The following NOTCH2NLC variants were observed in gnomAD, a reference collection of about 807,000 sequenced individuals.
NOTCH2NLC encodes the protein notch homolog 2 N-terminal-like protein C.
A neutral mutation model predicts 17.7 loss-of-function variants in NOTCH2NLC; 4 were observed. That is an observed-to-expected ratio of 0.23 (90% confidence interval 0.11 to 0.52). The LOEUF is 0.52. NOTCH2NLC is among the 20% of genes least tolerant of loss of function. NOTCH2NLC has a pLI of 0.96. For synonymous variants in NOTCH2NLC, 18 were observed against 86.0 expected (o/e 0.21, Z 4.38); for missense variants, 57 against 207.2 (o/e 0.28, Z 4.45).
At chr1:149,419,381 A>T (rs1317237832) in intron 1 of NOTCH2NLC, among the ~76,000 whole-genome samples, 1 of 150,124 alleles carries the variant, frequency 6.7e-6, no homozygotes, top group Admixed American at 6.7e-5. Flanking sequence ...AGACACAAAC[A>T]TGGAAAGTTT....
At position 149,464,902 on chromosome 1, in the gene NOTCH2NLC, G is replaced by C; in HGVS notation, c.*749G>C. ...GATATGGTTCACATATAATGGGATT[G>C]TGTGTTTTATTTTGGAGGAATTAAA... is the stretch of plus-strand genomic sequence containing the variant. On this transcript the variant is annotated 3_prime_UTR_variant, in exon 5 of 5. Transcript: ENST00000650865. 6.7e-6 allele frequency: 1 copy of C among 148,888 alleles called. No homozygotes were observed. Among genetic ancestry groups the C allele is most frequent in the Non-Finnish European group, 1.5e-5 (1 of 66,748 alleles). The allele number at this position is 148,888 out of a possible 1,614,324, so 9.2% of individuals were successfully genotyped here.
At chr1:149,428,923 A>AC (rs1467146077) in intron 1 of NOTCH2NLC, among the ~76,000 whole-genome samples, 1 of 148,048 alleles carries the variant, frequency 6.8e-6, no homozygotes, top group Non-Finnish European at 1.5e-5. Context: ...AATAGAAAAA[A>AC]CCCCGGAAGT....
intron 1 of NOTCH2NLC, among the ~76,000 whole-genome samples, chr1:149,402,368 C>T (rs1474836027): frequency 6.7e-6 from 1 of 149,998 alleles, no homozygotes; most frequent in Non-Finnish European, 1.5e-5. Context: ...GGTGAGCCAC[C>T]GTGCCTGGTC....
At chr1:149,445,863 T>C (rs1570916476) in intron 2 of NOTCH2NLC, among the ~76,000 whole-genome samples, 1 of 146,418 alleles carries the variant, frequency 6.8e-6, no homozygotes, top group East Asian at 2.0e-4. Flanking sequence ...TTTTGCTTTG[T>C]TGTTGTTGTT....
chr1:149,445,357 AATT>A (rs2101499422), intron 2 of NOTCH2NLC, among the ~76,000 whole-genome samples: 1 of 127,044 alleles, frequency 7.9e-6, no homozygotes, highest in Non-Finnish European at 1.7e-5. Context: ...GGCTGTTAGC[AATT>A]ATTTTTATCT....
chr1:149,457,706 A>G, intron 3 of NOTCH2NLC, among the ~76,000 whole-genome samples: 1 of 144,752 alleles, frequency 6.9e-6, no homozygotes, highest in East Asian at 2.1e-4. Context: ...AGCACGGGAA[A>G]AAGATGTAGG....
At chr1:149,393,035 A>G (rs1172293754) in intron 1 of NOTCH2NLC, among the ~76,000 whole-genome samples, 1 of 137,524 alleles carries the variant, frequency 7.3e-6, no homozygotes, top group East Asian at 2.1e-4. Flanking sequence ...CCGCCACTGC[A>G]CTCCAGCCTG....
At chr1:149,397,824 TTAG>T (rs2101462576) in intron 1 of NOTCH2NLC, among the ~76,000 whole-genome samples, 1 of 67,480 alleles carries the variant, frequency 1.5e-5, no homozygotes, top group Admixed American at 1.6e-4. Flanking sequence ...CTCTGCTGTC[TTAG>T]TGGTGTATTG....
At chr1:149,417,462 T>C (rs1343690960) in intron 1 of NOTCH2NLC, among the ~76,000 whole-genome samples, 2 of 151,266 alleles carry the variant, frequency 1.3e-5, no homozygotes, top group Non-Finnish European at 3.0e-5. Flanking sequence ...GAAAGGAATG[T>C]TGGGTCAGTA....
rs1396896261 is a variant in NOTCH2NLC at position 149,417,351 on chromosome 1, G to A, written c.136-13591G>A. Reference sequence around the variant, plus strand: ...TCTCGATCTCCTGACCTCGTGATCCGCCTGCCTCGGCCTCCCAAAGTGCTG... The same window carrying A: ...TCTCGATCTCCTGACCTCGTGATCCACCTGCCTCGGCCTCCCAAAGTGCTG... On this transcript the variant is annotated intron_variant, in intron 1 of 4. Transcript: ENST00000650865. 4.0e-5 allele frequency among the ~76,000 whole-genome samples: 6 copies of A among 150,680 alleles called. 1 individual carries two copies. The highest frequency in any genetic ancestry group is 5.9e-5 in the Non-Finnish European group (4 of 67,444).
intron 1 of NOTCH2NLC, among the ~76,000 whole-genome samples, chr1:149,416,626 T>A (rs1385832152): frequency 3.2e-5 from 4 of 125,516 alleles, no homozygotes; most frequent in Admixed American, 8.2e-5. Flanking sequence ...ACTCCATAAT[T>A]TCCTTTTGCT....
chr1:149,394,814 T>C (rs2084195964), intron 1 of NOTCH2NLC, among the ~76,000 whole-genome samples: 1 of 151,196 alleles, frequency 6.6e-6, no homozygotes, highest in Non-Finnish European at 1.5e-5. Flanking sequence ...TTTCCCACCC[T>C]TTCTCTGCAA....
chr1:149,471,137 G>C lies in NOTCH2NLC; in HGVS notation c.*6984G>C, dbSNP rs1194007566. Among the ~76,000 whole-genome samples the C allele has an allele frequency of 1.3e-5, 2 of 149,014 alleles. No individual in the cohort carries two copies. Among genetic ancestry groups the C allele is most frequent in the African/African-American group, 4.9e-5 (2 of 40,494 alleles). On this transcript the variant is annotated 3_prime_UTR_variant, in exon 5 of 5. Transcript: ENST00000650865. Reference sequence around the variant, plus strand: ...TATGTATCTTCTTTGGAGAATGTCTGTTCAGATCCTTTACCTACTTTATAA... The same window carrying C: ...TATGTATCTTCTTTGGAGAATGTCTCTTCAGATCCTTTACCTACTTTATAA...
Position 149,464,894 on chromosome 1 carries a change from A to C in NOTCH2NLC, c.*741A>C, listed in dbSNP as rs2084676082. 6.7e-6 allele frequency: 1 copy of C among 149,242 alleles called. No individual in the cohort carries two copies. The highest frequency in any genetic ancestry group is 1.5e-5 in the Non-Finnish European group (1 of 66,844). 9.2% of individuals were successfully genotyped at this position (149,242 alleles called of 1,614,324 possible). Reference sequence around the variant, plus strand: ...GTATTGTGGATATGGTTCACATATAATGGGATTGTGTGTTTTATTTTGGAG... The same window carrying C: ...GTATTGTGGATATGGTTCACATATACTGGGATTGTGTGTTTTATTTTGGAG... On this transcript the variant is annotated 3_prime_UTR_variant, in exon 5 of 5. Transcript: ENST00000650865.
chr1:149,460,870 T>TC lies in NOTCH2NLC; in HGVS notation c.470-2620dup, dbSNP rs1222592511. 2.9e-4 allele frequency among the ~76,000 whole-genome samples: 14 copies of TC among 47,998 alleles called. No homozygotes were observed. The South Asian group carries it at 8.8e-3, about 30-fold the overall frequency. 31.5% of individuals were successfully genotyped at this position (47,998 alleles called of 152,430 possible). A position where few individuals can be genotyped will look rare whatever the true frequency, so the allele number is the denominator to read the frequency against. On this transcript the variant is annotated intron_variant, in intron 3 of 4. Coordinates refer to ENST00000650865, the MANE Select transcript of NOTCH2NLC (RefSeq NM_001364013.2). ...TTCTTTCTCCCTTTCTTTCTTTCTT[T>TC]CTTTCTTTCTTTCTTTCTTTCTTTC...
At chr1:149,460,961 T>G (rs879049163) in intron 3 of NOTCH2NLC, among the ~76,000 whole-genome samples, 6 of 144,208 alleles carry the variant, frequency 4.2e-5, no homozygotes, top group Admixed American at 2.1e-4. Context: ...CTTTCTGTCT[T>G]TCTTTCTTCT....
chr1:149,460,972 C>A (rs1420055977), intron 3 of NOTCH2NLC, among the ~76,000 whole-genome samples: 14 of 143,156 alleles, frequency 9.8e-5, no homozygotes, highest in Admixed American at 8.5e-4. Context: ...TCTTTCTTCT[C>A]ACTCTGTTGC....
At position 149,402,300 on chromosome 1, in the gene NOTCH2NLC, C is replaced by T. The variant is rs1253731240; in HGVS notation, c.135+11378C>T. 1.9e-3 allele frequency among the ~76,000 whole-genome samples: 288 copies of T among 150,928 alleles called. 7 individuals are homozygous for T. Among genetic ancestry groups the T allele is most frequent in the African/African-American group, 6.8e-3 (279 of 41,188 alleles). ...TTCTCTATGTTGGGCAGGCTGGTCT[C>T]GTACTCCTGACCTCAGGTGATCCAC... On this transcript the variant is annotated intron_variant, in intron 1 of 4. Transcript: ENST00000650865.
chr1:149,400,311 TATC>T (rs2084237578), intron 1 of NOTCH2NLC, among the ~76,000 whole-genome samples: 1 of 139,172 alleles, frequency 7.2e-6, no homozygotes, highest in Non-Finnish European at 1.6e-5. Context: ...TGTTTTTTCA[TATC>T]ATCAGTGGCG....
Sources: gnomAD v4.1 joint callset for allele counts (sites outside exome capture counted in the v4.1 genomes callset) on GRCh38, gnomAD v4.1.1 for gene constraint, MANE v1.5 for transcripts, NCBI Gene and HGNC (gene_info 2026-07-23, HGNC 2026-07-21) for gene names.